The following DSCAM variants were observed in gnomAD, a reference collection of about 807,000 sequenced individuals.
The protein encoded by DSCAM is DS cell adhesion molecule, also known as cell adhesion molecule DSCAM.
In DSCAM, 47 loss-of-function variants were observed where a neutral mutation model predicts 217.7. The observed-to-expected ratio is 0.22, with a 90% CI of 0.17 to 0.28. DSCAM has a LOEUF of 0.28. Among genes scored for constraint, DSCAM ranks in the 10% least tolerant of loss-of-function variants. The pLI, the probability that DSCAM is intolerant of heterozygous loss-of-function variation, is 1.00. For missense variants in DSCAM, 2,080 were observed against 2,618.3 expected (o/e 0.79, Z 4.49); for synonymous variants, 1,056 against 1,015.3 (o/e 1.04, Z -0.76).
At chr21:40,120,145 G>A (rs1601350858) in intron 20 of DSCAM, among the ~76,000 whole-genome samples, 1 of 152,168 alleles carries the variant, frequency 6.6e-6, no homozygotes, top group East Asian at 1.9e-4. Context: ...TTCTGGGTAA[G>A]AAGAGTAGTG....
chr21:40,281,331 GCTTT>G (rs894852935), intron 10 of DSCAM, among the ~76,000 whole-genome samples: 24 of 152,004 alleles, frequency 1.6e-4, no homozygotes, highest in African/African-American at 5.8e-4. Context: ...ACATTGTTGT[GCTTT>G]CTAACATTCT....
intron 1 of DSCAM, among the ~76,000 whole-genome samples, chr21:40,834,524 C>A (rs1450382814): frequency 1.3e-5 from 2 of 151,556 alleles, no homozygotes; most frequent in Non-Finnish European, 2.9e-5. Context: ...TAGAGCTTTA[C>A]AATAACCCAT....
chr21:40,520,993 A>C (rs116182906), intron 3 of DSCAM, among the ~76,000 whole-genome samples: 6 of 152,332 alleles, frequency 3.9e-5, no homozygotes, highest in Admixed American at 2.6e-4. Flanking sequence ...AAAAATTTAA[A>C]AATACTTTCA....
chr21:40,356,112 G>A (rs1273371023), intron 4 of DSCAM, among the ~76,000 whole-genome samples: 2 of 152,136 alleles, frequency 1.3e-5, no homozygotes, highest in Non-Finnish European at 1.5e-5. Context: ...TGGGAGTGCA[G>A]ATATGTAATT....
chr21:40,114,642 GA>G (rs2089944710), intron 20 of DSCAM, among the ~76,000 whole-genome samples: 1 of 152,080 alleles, frequency 6.6e-6, no homozygotes, highest in African/African-American at 2.4e-5. Flanking sequence ...CAGAATGGGA[GA>G]AAATTTTTGC....
chr21:40,834,987 A>T lies in DSCAM; in HGVS notation c.43+11632T>A, dbSNP rs183448394. Among the ~76,000 whole-genome samples the T allele has an allele frequency of 5.3e-5, 8 of 152,348 alleles. No individual in the cohort carries two copies. In the East Asian group the frequency reaches 1.5e-3, roughly 29 times the overall value. On this transcript the variant is annotated intron_variant, in intron 1 of 32. Coordinates refer to ENST00000400454, the MANE Select transcript of DSCAM (RefSeq NM_001389.5). ...ATAAACTTAACCTGCCTTGGCCACC[A>T]GTCAGGCTGGACCTAACAATATTCA...
At chr21:40,092,929 A>G (rs902257093) in intron 21 of DSCAM, among the ~76,000 whole-genome samples, 1 of 151,894 alleles carries the variant, frequency 6.6e-6, no homozygotes, top group Non-Finnish European at 1.5e-5. Context: ...TAAAAAGCAC[A>G]TTTTTCAGAG....
chr21:40,352,193 C>G (rs2123644068), intron 5 of DSCAM, among the ~76,000 whole-genome samples: 1 of 152,236 alleles, frequency 6.6e-6, no homozygotes, highest in African/African-American at 2.4e-5. Flanking sequence ...TACAACCAGA[C>G]AGATTTGCTT....
chr21:40,299,257 C>T (rs2073988418), intron 9 of DSCAM, among the ~76,000 whole-genome samples: 1 of 152,156 alleles, frequency 6.6e-6, no homozygotes, highest in Admixed American at 6.5e-5. Context: ...TTACTAAGTG[C>T]ATGAATAAGC....
intron 3 of DSCAM, among the ~76,000 whole-genome samples, chr21:40,609,958 C>T (rs990881459): frequency 6.6e-6 from 1 of 152,174 alleles, no homozygotes; most frequent in Non-Finnish European, 1.5e-5. Context: ...ACAAAGAGGT[C>T]ACAGTTCACG....
chr21:40,845,588 GCTCT>G (rs1259966756), intron 1 of DSCAM, among the ~76,000 whole-genome samples: 60 of 105,006 alleles, frequency 5.7e-4, no homozygotes, highest in African/African-American at 2.1e-3. Context: ...TGTCTGTCTC[GCTCT>G]CTCTCCCTCC....
At chr21:40,440,376 G>A (rs1172926502) in intron 3 of DSCAM, among the ~76,000 whole-genome samples, 1 of 151,352 alleles carries the variant, frequency 6.6e-6, no homozygotes, top group Non-Finnish European at 1.5e-5. Flanking sequence ...TGAGGTTGCT[G>A]AGTGGATGGA....
chr21:40,107,695 T>G (rs144724179), intron 20 of DSCAM, among the ~76,000 whole-genome samples: 1 of 152,236 alleles, frequency 6.6e-6, no homozygotes, highest in East Asian at 1.9e-4. Context: ...CCGTGTTGGA[T>G]GTATATATAT....
intron 1 of DSCAM, among the ~76,000 whole-genome samples, chr21:40,724,935 A>G (rs928579240): frequency 1.3e-5 from 2 of 152,232 alleles, no homozygotes; most frequent in South Asian, 4.1e-4. Context: ...TGTAACGCAC[A>G]GGTTTAAGTT....
intron 8 of DSCAM, among the ~76,000 whole-genome samples, chr21:40,334,132 T>G (rs1156603185): frequency 6.6e-6 from 1 of 152,112 alleles, no homozygotes; most frequent in East Asian, 1.9e-4. Flanking sequence ...TGCGGTGTAG[T>G]GCACAAAGTC....
chr21:40,387,054 C>T (rs1662645233), intron 3 of DSCAM, among the ~76,000 whole-genome samples: 1 of 151,742 alleles, frequency 6.6e-6, no homozygotes, highest in African/African-American at 2.4e-5. Context: ...ATGTAAAAAA[C>T]TAATTATTTT....
At chr21:40,693,518 GA>G (rs2090562854) in intron 2 of DSCAM, among the ~76,000 whole-genome samples, 1 of 152,242 alleles carries the variant, frequency 6.6e-6, no homozygotes, top group East Asian at 1.9e-4. Flanking sequence ...CTTCATGAAA[GA>G]AAAGTTACTG....
chr21:40,650,719 G>T (rs2090002754), intron 3 of DSCAM, among the ~76,000 whole-genome samples: 1 of 152,176 alleles, frequency 6.6e-6, no homozygotes, highest in Non-Finnish European at 1.5e-5. Context: ...TTCAAGACCA[G>T]CCTGGCCAAT....
intron 3 of DSCAM, among the ~76,000 whole-genome samples, chr21:40,524,147 C>T (rs796987185): frequency 6.6e-6 from 1 of 152,058 alleles, no homozygotes; most frequent in Non-Finnish European, 1.5e-5. Context: ...TTTTAAACAA[C>T]CAGATCTCAT....
Sources: gnomAD v4.1 joint callset for allele counts (sites outside exome capture counted in the v4.1 genomes callset) on GRCh38, gnomAD v4.1.1 for gene constraint, MANE v1.5 for transcripts, NCBI Gene and HGNC (gene_info 2026-07-23, HGNC 2026-07-21) for gene names.